Variants in PIWIL2 observed in about 807,000 individuals in gnomAD.
The protein encoded by PIWIL2 is piwi like RNA-mediated gene silencing 2.
A neutral mutation model predicts 116.5 loss-of-function variants in PIWIL2; 81 were observed. The observed-to-expected ratio is 0.70, with a 90% CI of 0.58 to 0.84. The LOEUF (loss-of-function observed/expected upper bound fraction) is 0.84. Among genes scored for constraint, PIWIL2 ranks in the 40% least tolerant of loss-of-function variants. The probability of loss-of-function intolerance (pLI) is 0.00; values close to 1 mark genes in which losing one functional copy is unlikely to be tolerated. For missense variants in PIWIL2, 1,272 were observed against 1,212.3 expected (o/e 1.05, Z -0.73); for synonymous variants, 489 against 429.5 (o/e 1.14, Z -1.71).
Position 22,303,859 on chromosome 8 carries a change from G to A in PIWIL2, c.1182-162G>A, listed in dbSNP as rs74762931. On this transcript the variant is annotated intron_variant, in intron 10 of 22. Coordinates refer to ENST00000356766, the MANE Select transcript of PIWIL2 (RefSeq NM_018068.5). ...CTCCTAAAATGCTGGGATTACAAGC[G>A]TGAGCCACTGCATCTGGCCAAGAGT... Among the ~76,000 whole-genome samples the A allele has an allele frequency of 9.7e-3, 1,474 of 152,242 alleles. 24 individuals carry two copies. Among genetic ancestry groups the A allele is most frequent in the African/African-American group, 0.033 (1,389 of 41,526 alleles).
chr8:22,328,692 A>G (rs1018668692), intron 20 of PIWIL2, among the ~76,000 whole-genome samples: 3 of 151,778 alleles, frequency 2.0e-5, no homozygotes, highest in Non-Finnish European at 2.9e-5. Flanking sequence ...TTTGGATGCT[A>G]TTGTAAATGG....
intron 14 of PIWIL2, among the ~76,000 whole-genome samples, chr8:22,309,122 C>T (rs912471588): frequency 1.3e-5 from 2 of 151,272 alleles, no homozygotes; most frequent in South Asian, 2.1e-4. Flanking sequence ...CCACCACGTC[C>T]GGCTAATTTT....
chr8:22,282,958 T>G (rs2131984164), intron 4 of PIWIL2, 76 bp from the exon 5 acceptor site: 2 of 1,118,818 alleles, frequency 1.8e-6, no homozygotes, highest in Non-Finnish European at 2.7e-6. Context: ...GAAGAGATTG[T>G]GGAGTTGGGG....
chr8:22,346,633 G>A (rs1199210649), intron 20 of PIWIL2, among the ~76,000 whole-genome samples: 6 of 151,974 alleles, frequency 3.9e-5, no homozygotes, highest in Non-Finnish European at 8.8e-5. Flanking sequence ...TGATATTAGG[G>A]CCCCTTTATA....
chr8:22,293,196 C>A (rs1044802656), intron 10 of PIWIL2, among the ~76,000 whole-genome samples: 1 of 152,058 alleles, frequency 6.6e-6, no homozygotes, highest in South Asian at 2.1e-4. Context: ...TATAATCCAG[C>A]GCTTTGGGAG....
intron 13 of PIWIL2, 80 bp from the exon 14 acceptor site, chr8:22,307,853 T>G: frequency 9.2e-7 from 1 of 1,090,616 alleles, no homozygotes; most frequent in Non-Finnish European, 1.3e-6. Flanking sequence ...AAGAGAAACA[T>G]TTTAGACCTA....
intron 16 of PIWIL2, among the ~76,000 whole-genome samples, chr8:22,312,275 A>AG (rs1214548094): frequency 6.6e-6 from 1 of 152,018 alleles, no homozygotes; most frequent in African/African-American, 2.4e-5. Context: ...CAAAAAAAAA[A>AG]AAAAAAATGA....
intron 20 of PIWIL2, among the ~76,000 whole-genome samples, chr8:22,323,932 A>G (rs1328179370): frequency 6.6e-6 from 1 of 152,102 alleles, no homozygotes; most frequent in African/African-American, 2.4e-5. Context: ...ACAATATCAC[A>G]TCTTGCTCTA....
intron 20 of PIWIL2, among the ~76,000 whole-genome samples, chr8:22,342,393 G>A (rs79133030): frequency 0.011 from 1,712 of 152,250 alleles, 31 homozygotes; most frequent in African/African-American, 0.039. Flanking sequence ...AAAAACTACG[G>A]TAATCAAGAT....
At chr8:22,342,403 TTGTG>T (rs1165401468) in intron 20 of PIWIL2, among the ~76,000 whole-genome samples, 1 of 152,150 alleles carries the variant, frequency 6.6e-6, no homozygotes, top group Admixed American at 6.5e-5. Flanking sequence ...GTAATCAAGA[TTGTG>T]TGGTATTGAT....
chr8:22,351,444 T>C (rs1206867321), intron 20 of PIWIL2, among the ~76,000 whole-genome samples: 3 of 37,100 alleles, frequency 8.1e-5, no homozygotes, highest in African/African-American at 4.0e-4. Flanking sequence ...TACATACATA[T>C]ATATATATAT....
At chr8:22,302,965 C>T (rs559842312) in intron 10 of PIWIL2, among the ~76,000 whole-genome samples, 1 of 152,322 alleles carries the variant, frequency 6.6e-6, no homozygotes, top group East Asian at 1.9e-4. Context: ...TCTCCATTGC[C>T]ACTTGTAGTT....
rs184486630 is a variant in PIWIL2, at chr8:22,325,421, C to T, written c.2403+7146C>T. Reference sequence around the variant, plus strand: ...ATTACTGTGAGGATGAAAGTATGTTCTTTGGTTTGAAGAAATGGGACTCCA... The same window carrying T: ...ATTACTGTGAGGATGAAAGTATGTTTTTTGGTTTGAAGAAATGGGACTCCA... On this transcript the variant is annotated intron_variant, in intron 20 of 22. Coordinates refer to ENST00000356766, the MANE Select transcript of PIWIL2 (RefSeq NM_018068.5). 1.9e-3 allele frequency among the ~76,000 whole-genome samples: 281 copies of T among 146,156 alleles called. 2 individuals are homozygous for T. The highest frequency in any genetic ancestry group is 3.2e-3 in the Non-Finnish European group (212 of 66,620).
intron 20 of PIWIL2, among the ~76,000 whole-genome samples, chr8:22,345,953 A>C (rs1293551953): frequency 6.6e-6 from 1 of 152,218 alleles, no homozygotes; most frequent in Non-Finnish European, 1.5e-5. Context: ...CTGACTGCCA[A>C]TGGGTATGGG....
chr8:22,295,976 C>T (rs965522767), intron 10 of PIWIL2, among the ~76,000 whole-genome samples: 3 of 150,916 alleles, frequency 2.0e-5, no homozygotes, highest in African/African-American at 7.3e-5. Context: ...TGGTTGCTCT[C>T]CCGGCTGGCT....
Position 22,281,524 on chromosome 8 carries a change from A to G in PIWIL2, c.425+9A>G, listed in dbSNP as rs764993757. On this transcript the variant is annotated intron_variant, in intron 4 of 22. Transcript: ENST00000356766. Reference sequence around the variant, plus strand: ...TCCGTTGGTTGGAGTAGGTGGGTAAAGTTACCCTCTCAGGTAACTATCAAA... The same window carrying G: ...TCCGTTGGTTGGAGTAGGTGGGTAAGGTTACCCTCTCAGGTAACTATCAAA... 1.9e-6 allele frequency: 3 copies of G among 1,558,082 alleles called. No homozygotes were observed. In the South Asian group the frequency reaches 3.7e-5, roughly 19 times the overall value.
At chr8:22,351,441 A>ATATATT (rs1832354446) in intron 20 of PIWIL2, among the ~76,000 whole-genome samples, 1 of 15,938 alleles carries the variant, frequency 6.3e-5, no homozygotes, top group Non-Finnish European at 1.2e-4. Context: ...GCATACATAC[A>ATATATT]TATATATATA....
chr8:22,331,225 A>T lies in PIWIL2; in HGVS notation c.2403+12950A>T, dbSNP rs561909177. Among the ~76,000 whole-genome samples, 9 of 152,086 alleles carry T rather than the reference A, an allele frequency of 5.9e-5. No homozygotes were observed. In the South Asian group the frequency reaches 1.9e-3, roughly 31 times the overall value. ...AAGTTCTGACCTACAGAGGATTCAG[A>T]TAATTGATCAGACACATTTAAAAGT... On this transcript the variant is annotated intron_variant, in intron 20 of 22. Coordinates refer to ENST00000356766, the MANE Select transcript of PIWIL2 (RefSeq NM_018068.5).
intron 20 of PIWIL2, among the ~76,000 whole-genome samples, chr8:22,329,539 T>C (rs527325353): frequency 6.6e-6 from 1 of 152,306 alleles, no homozygotes; most frequent in Admixed American, 6.5e-5. Context: ...TTGTGTAAAC[T>C]CAAAGCAAGA....
Sources: allele counts gnomAD v4.1 joint callset (sites outside exome capture counted in the v4.1 genomes callset), GRCh38; gene constraint gnomAD v4.1.1; transcripts MANE v1.5; gene names NCBI Gene and HGNC (gene_info 2026-07-23, HGNC 2026-07-21).